Variants in MRTFB observed in about 807,000 individuals in gnomAD.
MRTFB encodes the protein myocardin related transcription factor B, also known as myocardin-related transcription factor B.
A neutral mutation model predicts 104.2 loss-of-function variants in MRTFB; 29 were observed. That is an observed-to-expected ratio of 0.28 (90% CI 0.21 to 0.38). MRTFB has a LOEUF of 0.38. Among genes scored for constraint, MRTFB ranks in the 10% least tolerant of loss-of-function variants. The pLI, the probability that MRTFB is intolerant of heterozygous loss-of-function variation, is 1.00. For missense variants in MRTFB, 1,270 were observed against 1,341.6 expected (o/e 0.95, Z 0.83); for synonymous variants, 535 against 519.5 (o/e 1.03, Z -0.41).
chr16:14,258,239 C>T (rs1183991472), intron 16 of MRTFB, 78 bp downstream of exon 16: 1 of 1,088,344 alleles, frequency 9.2e-7, no homozygotes, highest in South Asian at 1.3e-5. Context: ...CTTAAGCACT[C>T]ATAGCTTATC....
the MRTFB span, among the ~76,000 whole-genome samples, chr16:14,010,705 C>A: frequency 6.6e-6 from 1 of 152,032 alleles, no homozygotes; most frequent in Admixed American, 6.6e-5. Context: ...GGATTATAGG[C>A]ATGAGCCACC....
upstream of MRTFB, among the ~76,000 whole-genome samples, chr16:14,069,306 A>G (rs1335757750): frequency 6.7e-6 from 1 of 149,322 alleles, no homozygotes; most frequent in Non-Finnish European, 1.5e-5. Flanking sequence ...GACTCGCTCC[A>G]GTGGCTCCCA....
At chr16:14,180,085 C>G (rs980515757) in intron 3 of MRTFB, among the ~76,000 whole-genome samples, 1 of 151,972 alleles carries the variant, frequency 6.6e-6, no homozygotes, top group Non-Finnish European at 1.5e-5. Flanking sequence ...TACAGAAGCA[C>G]CGGTATAAAG....
the MRTFB span, among the ~76,000 whole-genome samples, chr16:14,009,086 C>A: frequency 6.6e-6 from 1 of 152,006 alleles, no homozygotes; most frequent in African/African-American, 2.4e-5. Flanking sequence ...GTAACTAGGA[C>A]TGCAGGCATG....
At chr16:14,060,259 G>A in the MRTFB span, among the ~76,000 whole-genome samples, 2 of 151,820 alleles carry the variant, frequency 1.3e-5, no homozygotes, top group African/African-American at 2.4e-5. Flanking sequence ...TGCCCGCCTC[G>A]GCCTCCCAAA....
chr16:14,159,722 G>C (rs2038957645), intron 3 of MRTFB, among the ~76,000 whole-genome samples: 1 of 151,774 alleles, frequency 6.6e-6, no homozygotes. Context: ...GAGGTCAGGA[G>C]ATCGAGACCA....
intron 2 of MRTFB, among the ~76,000 whole-genome samples, chr16:14,128,775 C>T (rs139777129): frequency 2.8e-4 from 42 of 152,304 alleles, no homozygotes; most frequent in African/African-American, 9.4e-4. Context: ...AAAACCATAT[C>T]GCAATAATCT....
intron 3 of MRTFB, among the ~76,000 whole-genome samples, chr16:14,180,853 C>G (rs72640405): frequency 0.099 from 15,058 of 152,182 alleles, 988 homozygotes; most frequent in Admixed American, 0.18. Context: ...GGGTGGGGGA[C>G]AACAAGCACA....
intron 2 of MRTFB, among the ~76,000 whole-genome samples, chr16:14,136,752 G>GT (rs1011676750): frequency 8.1e-5 from 12 of 147,432 alleles, no homozygotes; most frequent in South Asian, 6.7e-4. Flanking sequence ...TGCCTCTTGG[G>GT]TTTTTTTTTT....
chr16:14,057,986 G>A, the MRTFB span, among the ~76,000 whole-genome samples: 11 of 152,212 alleles, frequency 7.2e-5, no homozygotes, highest in Non-Finnish European at 1.5e-5. Flanking sequence ...CCTTCACAGT[G>A]ACCTGAGCTG....
At position 14,247,418 on chromosome 16, in the gene MRTFB, A is replaced by T; in HGVS notation, c.2158A>T (p.Thr720Ser). ...TGCTCAGCCCCAGGCTTTACTGACC[A>T]CGCAGACTGCTCAGCTGCTGCTCCC... Reference protein sequence around the residue: ...VVAQPQALLTTQTAQLLLPVS... With the variant: ...VVAQPQALLTSQTAQLLLPVS... The change falls in exon 12 of 17, where the codon ACG becomes TCG. Residue 720 changes from threonine to serine, a missense_variant. Physicochemically the swap from Thr to Ser is moderately conservative, Grantham distance 58. Transcript: ENST00000571589. 18 of 1,611,660 alleles carry T rather than the reference A, an allele frequency of 1.1e-5. No homozygotes were observed. The highest frequency in any genetic ancestry group is 1.4e-5 in the Non-Finnish European group (17 of 1,179,950).
chr16:14,107,292 C>T (rs950654792), intron 2 of MRTFB, among the ~76,000 whole-genome samples: 11 of 152,098 alleles, frequency 7.2e-5, no homozygotes, highest in African/African-American at 1.4e-4. Context: ...ACCTGCTGGC[C>T]GTAAGAGAGA....
intron 16 of MRTFB, among the ~76,000 whole-genome samples, chr16:14,258,941 T>G (rs2043635752): frequency 6.6e-6 from 1 of 152,350 alleles, no homozygotes; most frequent in East Asian, 1.9e-4. Context: ...TGGATAGTAT[T>G]TGCATATTTG....
At chr16:14,015,787 C>G in the MRTFB span, 1 of 397,268 alleles carries the variant, frequency 2.5e-6, no homozygotes, top group Non-Finnish European at 4.4e-6. Context: ...TGCAGGCTCA[C>G]TCCCTCCTGT....
chr16:14,023,193 C>T, the MRTFB span, among the ~76,000 whole-genome samples: 2 of 152,048 alleles, frequency 1.3e-5, no homozygotes, highest in African/African-American at 2.4e-5. Flanking sequence ...AACCCCAGCA[C>T]TTTAGGAGGC....
chr16:14,233,684 G>A (rs2042364259), intron 8 of MRTFB, among the ~76,000 whole-genome samples: 2 of 150,878 alleles, frequency 1.3e-5, no homozygotes, highest in African/African-American at 4.9e-5. Flanking sequence ...CAGATACTTG[G>A]GAGGCCAAAG....
chr16:14,176,995 C>G (rs971374331), intron 3 of MRTFB, among the ~76,000 whole-genome samples: 3 of 152,174 alleles, frequency 2.0e-5, no homozygotes, highest in Admixed American at 2.0e-4. Flanking sequence ...GGAACTAGTT[C>G]TTGAAGATTG....
the MRTFB span, among the ~76,000 whole-genome samples, chr16:14,058,568 G>A: frequency 6.6e-6 from 1 of 152,118 alleles, no homozygotes; most frequent in Non-Finnish European, 1.5e-5. Flanking sequence ...GAAATATGGT[G>A]CTTGTAGCTG....
intron 3 of MRTFB, among the ~76,000 whole-genome samples, chr16:14,154,073 C>G (rs2038734731): frequency 6.6e-6 from 1 of 152,150 alleles, no homozygotes; most frequent in Non-Finnish European, 1.5e-5. Context: ...TGGCTCATGC[C>G]TGTAATTTCA....
Sources: allele counts gnomAD v4.1 joint callset (sites outside exome capture counted in the v4.1 genomes callset), GRCh38; gene constraint gnomAD v4.1.1; transcripts MANE v1.5; gene names NCBI Gene and HGNC (gene_info 2026-07-23, HGNC 2026-07-21).